NAV1: variants seen among roughly 807,000 people sequenced by gnomAD.
NAV1 encodes pore membrane and/or filament interacting like protein 3.
NAV1 carries 18 observed loss-of-function variants against 175.2 expected under a neutral mutation model. That is an observed-to-expected ratio of 0.10 (90% confidence interval 0.07 to 0.15). The LOEUF is 0.15. Among genes scored for constraint, NAV1 ranks in the 10% least tolerant of loss-of-function variants. The pLI, the probability that NAV1 is intolerant of heterozygous loss-of-function variation, is 1.00. For missense variants in NAV1, 1,731 were observed against 2,436.6 expected, an observed-to-expected ratio of 0.71 and a Z score of 6.10; for synonymous variants, 897 against 978.7, an observed-to-expected ratio of 0.92 and a Z score of 1.56.
At position 201,813,326 on chromosome 1, in the gene NAV1, C is replaced by A; in HGVS notation, c.5340+68C>A. The stretch of plus-strand genomic sequence containing the variant: ...CCTACCTAACAAAGTAGGAATGTTT[C>A]TTTAATGTTAGGCATGGGACTACTA... On this transcript the variant is annotated intron_variant, in intron 28 of 29. Transcript: ENST00000367296. This position sits in a 1 kb window ranked among gnomAD's most constrained non-coding sequence, Gnocchi z 4.2. 9.4e-7 allele frequency: 1 copy of A among 1,063,058 alleles called. No individual in the cohort carries two copies. The highest frequency in any genetic ancestry group is 1.4e-6 in the Non-Finnish European group (1 of 703,634). The allele number at this position is 1,063,058 out of a possible 1,614,324, so 65.9% of individuals were successfully genotyped here. A position where few individuals can be genotyped will look rare whatever the true frequency, so the allele number is the denominator to read the frequency against.
At chr1:201,783,995 C>A in intron 7 of NAV1, 143 bp downstream of exon 11, 1 of 691,432 alleles carries the variant, frequency 1.4e-6, no homozygotes, top group South Asian at 2.2e-5. Context: ...ATTTGCTTCA[C>A]AACAACTCCA....
At chr1:201,798,695 C>CTTTTTTTTTTTTTTTTTT (rs764483919) in intron 15 of NAV1, 1 of 69,476 alleles carries the variant, frequency 1.4e-5, no homozygotes, top group African/African-American at 6.0e-5. Flanking sequence ...TTTTCTCTCT[C>CTTTTTTTTTTTTTTTTTT]TTTTTTTTTT....
intron 2 of NAV1, among the ~76,000 whole-genome samples, chr1:201,592,310 C>G (rs1213775585): frequency 2.0e-5 from 3 of 152,302 alleles, no homozygotes; most frequent in Non-Finnish European, 2.9e-5. Context: ...AAAGACAGTC[C>G]CTGCCCTGGG....
At chr1:201,544,069 G>A (rs570679049) in intron 1 of NAV1, among the ~76,000 whole-genome samples, 37 of 152,300 alleles carry the variant, frequency 2.4e-4, no homozygotes, top group African/African-American at 7.5e-4. Flanking sequence ...GCCTCAGCGC[G>A]GGCTTCATTT....
At chr1:201,760,157 C>T (rs1002356669) in intron 3 of NAV1, among the ~76,000 whole-genome samples, 1 of 152,170 alleles carries the variant, frequency 6.6e-6, no homozygotes, top group African/African-American at 2.4e-5. Flanking sequence ...ATTGCTGAAG[C>T]TATATCAAAA....
At chr1:201,543,242 G>A (rs1029938644) in intron 1 of NAV1, among the ~76,000 whole-genome samples, 2 of 152,192 alleles carry the variant, frequency 1.3e-5, no homozygotes, top group African/African-American at 4.8e-5. Context: ...CCTTTCACCA[G>A]TGAGCGTGAT....
intron 2 of NAV1, among the ~76,000 whole-genome samples, chr1:201,617,343 T>G (rs954125391): frequency 9.2e-5 from 14 of 152,206 alleles, no homozygotes; most frequent in Non-Finnish European, 1.5e-5. Context: ...ACTTCTGCCC[T>G]TGAGACTCCC....
At position 201,816,315 on chromosome 1, in the gene NAV1, G is replaced by T. The variant is rs554546361; in HGVS notation, c.5341-773G>T. On this transcript the variant is annotated intron_variant, in intron 28 of 29. Transcript: ENST00000367296. ...GAACCCAGAAGGCAGAGATTGCAGTGAGCCAAGATTGCACCATTGCACTCC... is the reference window on the plus strand; with the variant it reads ...GAACCCAGAAGGCAGAGATTGCAGTTAGCCAAGATTGCACCATTGCACTCC... Among the ~76,000 whole-genome samples, 67 of 152,192 alleles carry T rather than the reference G, an allele frequency of 4.4e-4. 2 individuals carry two copies. The highest frequency in any genetic ancestry group is 3.1e-3 in the Admixed American group (47 of 15,282).
Position 201,789,735 on chromosome 1 carries a change from T to C in NAV1, c.3167-5T>C. ...TTAACTCTTTGTGTTCTCCTTCTCT[T>C]TCAGTTCACGGCTCAGTGCTGTCCC... is the stretch of plus-strand genomic sequence containing the variant. On this transcript the variant is annotated splice_region_variant and splice_polypyrimidine_tract_variant and intron_variant, in intron 10 of 29. Transcript: ENST00000367296. The C allele has an allele frequency of 6.2e-7, 1 of 1,614,074 alleles. No homozygotes were observed. Among genetic ancestry groups the C allele is most frequent in the Non-Finnish European group, 8.5e-7 (1 of 1,179,948 alleles).
intron 1 of NAV1, among the ~76,000 whole-genome samples, chr1:201,569,864 G>C (rs951433414): frequency 1.3e-5 from 2 of 152,170 alleles, no homozygotes; most frequent in Non-Finnish European, 2.9e-5. Context: ...CAGACATCCA[G>C]CTCTTAGGCT....
At position 201,788,854 on chromosome 1, in the gene NAV1, C is replaced by T. The variant is rs1676935605; in HGVS notation, c.3166+216C>T. ...CTAGCACTGGGGCATTGGGATGGAG[C>T]ATCCATCACTGGGGCTGGGGGAGGG... On this transcript the variant is annotated intron_variant, in intron 10 of 29. Coordinates refer to ENST00000367296, the Ensembl canonical transcript of NAV1. The surrounding 1 kb of genome is among the most constrained non-coding windows in gnomAD (Gnocchi z 5.7). Among the ~76,000 whole-genome samples the T allele has an allele frequency of 6.6e-6, 1 of 152,156 alleles. No homozygotes were observed. The highest frequency in any genetic ancestry group is 1.5e-5 in the Non-Finnish European group (1 of 68,034).
chr1:201,776,535 G>A (rs535205012), intron 3 of NAV1, among the ~76,000 whole-genome samples: 1 of 151,622 alleles, frequency 6.6e-6, no homozygotes, highest in Non-Finnish European at 1.5e-5. Flanking sequence ...CAGCTACTCA[G>A]GAGGTTGAGG....
chr1:201,653,032 T>C (rs1669266349), intron 1 of NAV1, among the ~76,000 whole-genome samples: 1 of 152,236 alleles, frequency 6.6e-6, no homozygotes, highest in African/African-American at 2.4e-5. Context: ...TATTGAATAC[T>C]ATACTAAAAG....
At position 201,637,909 on chromosome 1, in the gene NAV1, G is replaced by A. The variant is rs141570743; in HGVS notation, c.4+8402G>A. Among the ~76,000 whole-genome samples, 257 of 152,338 alleles carry A rather than the reference G, an allele frequency of 1.7e-3. 2 individuals are homozygous for A. Among genetic ancestry groups the A allele is most frequent in the African/African-American group, 5.6e-3 (232 of 41,584 alleles). On this transcript the variant is annotated intron_variant, in intron 2 of 29. Transcript: ENST00000367302. ...AATATCCACCCCAGTGGTGTGTATG[G>A]GACAGTTGCCATGGCAACATACAGG... is the stretch of plus-strand genomic sequence containing the variant.
exon 1 of NAV1, chr1:201,649,075 C>G (rs2102331681): frequency 6.2e-7 from 1 of 1,613,342 alleles, no homozygotes; most frequent in South Asian, 1.1e-5. Flanking sequence ...CCGCTGATGT[C>G]CAAGACGCTG....
intron 7 of NAV1, among the ~76,000 whole-genome samples, chr1:201,784,648 C>A (rs57102596): frequency 6.6e-6 from 1 of 151,592 alleles, no homozygotes; most frequent in Non-Finnish European, 1.5e-5. Context: ...AGCAATCCTC[C>A]TGCCTCAGCC....
chr1:201,753,794 A>G (rs1201071654), intron 3 of NAV1, among the ~76,000 whole-genome samples: 16 of 152,240 alleles, frequency 1.1e-4, no homozygotes, highest in Admixed American at 7.9e-4. Flanking sequence ...TGGGGGTTAC[A>G]TAAAGGGCTA....
intron 3 of NAV1, among the ~76,000 whole-genome samples, chr1:201,753,067 C>T (rs6701121): frequency 0.11 from 17,031 of 151,942 alleles, 2,188 homozygotes; most frequent in African/African-American, 0.32. Context: ...GTCTGGGATC[C>T]GAGAAGGAAT....
upstream of NAV1, among the ~76,000 whole-genome samples, chr1:201,646,241 A>T (rs562717179): frequency 5.3e-4 from 81 of 152,186 alleles, no homozygotes; most frequent in African/African-American, 1.8e-3. Flanking sequence ...GGAACCACGA[A>T]CCCTAGTTCC....
Sources: gnomAD v4.1 joint callset for allele counts (sites outside exome capture counted in the v4.1 genomes callset) on GRCh38, gnomAD v4.1.1 for gene constraint, Gnocchi (gnomAD v3.1) non-coding constraint, MANE v1.5 for transcripts, NCBI Gene and HGNC (gene_info 2026-07-23, HGNC 2026-07-21) for gene names.